Variants in HMGN1 observed in about 807,000 individuals in gnomAD.
HMGN1 encodes high mobility group nucleosome binding domain 1.
A neutral mutation model predicts 18.4 loss-of-function variants in HMGN1; 9 were observed. The ratio of observed to expected loss-of-function variants is 0.49; its 90% confidence interval spans 0.29 to 0.85. The LOEUF (loss-of-function observed/expected upper bound fraction) is 0.85. HMGN1 is among the 40% of genes least tolerant of loss of function. The pLI, the probability that HMGN1 is intolerant of heterozygous loss-of-function variation, is 0.07. For synonymous variants in HMGN1, 59 were observed against 45.0 expected, an observed-to-expected ratio of 1.31 and a Z score of -1.24; for missense variants, 151 against 119.2, an observed-to-expected ratio of 1.27 and a Z score of -1.24.
chr21:39,345,244 T>C lies in HMGN1; in HGVS notation c.157A>G (p.Lys53Glu). 1 of 1,613,804 alleles carries C rather than the reference T, an allele frequency of 6.2e-7. No individual in the cohort carries two copies. Among genetic ancestry groups the C allele is most frequent in the Non-Finnish European group, 8.5e-7 (1 of 1,179,856 alleles). Residue 53 changes from lysine (K) to glutamate (E), a missense_variant, in exon 5 of 6, where the codon AAA becomes GAA. By Grantham distance (56) the Lys-to-Glu change is moderately conservative. Coordinates refer to ENST00000380749, the MANE Select transcript of HMGN1 (RefSeq NM_004965.7). Reference protein sequence around the residue: ...DKSSDKKVQTKGKRGAKGKQA... With the variant: ...DKSSDKKVQTEGKRGAKGKQA... ...TTTCCCTTTGCTCCCCTTTTCCCTTTTGTTTGCACTTTTTTGTCTGAAGAT... is the reference window on the plus strand; with the variant it reads ...TTTCCCTTTGCTCCCCTTTTCCCTTCTGTTTGCACTTTTTTGTCTGAAGAT...
chr21:39,346,006 G>A (rs748963636), intron 4 of HMGN1: 99 of 1,213,004 alleles, frequency 8.2e-5, no homozygotes, highest in Non-Finnish European at 1.1e-4. Flanking sequence ...GATACATTAA[G>A]TTCAAAATTT....
Position 39,348,417 on chromosome 21 carries a change from C to T in HMGN1, c.78+5G>A. Reference sequence around the variant, plus strand: ...ACGAACGGTTACGGGGCTCGCTTTACTTACAGCTGACAACCGCGCCGATCT... The same window carrying T: ...ACGAACGGTTACGGGGCTCGCTTTATTTACAGCTGACAACCGCGCCGATCT... On this transcript the variant is annotated splice_donor_5th_base_variant and intron_variant, in intron 3 of 5. Transcript: ENST00000380749. 6.2e-7 allele frequency: 1 copy of T among 1,614,202 alleles called. No individual in the cohort carries two copies. The highest frequency in any genetic ancestry group is 8.5e-7 in the Non-Finnish European group (1 of 1,180,038).
chr21:39,345,381 G>A, intron 4 of HMGN1, 107 bp from the exon 5 acceptor site: 1 of 1,073,276 alleles, frequency 9.3e-7, no homozygotes, highest in South Asian at 1.4e-5. Context: ...CAGTGGTGCT[G>A]ACTTCATAGT....
rs140317214 is a variant in HMGN1, at chr21:39,342,575, A to T, written c.*537T>A. ...AACAGCACGTACACTACATGTTCAA[A>T]TCTGTAATCTTTCACAGCACAGTAA... On this transcript the variant is annotated 3_prime_UTR_variant, in exon 6 of 6. Coordinates refer to ENST00000380749, the MANE Select transcript of HMGN1 (RefSeq NM_004965.7). The T allele has an allele frequency of 1.3e-3, 419 of 310,586 alleles. No individual in the cohort carries two copies. The highest frequency in any genetic ancestry group is 9.0e-3 in the African/African-American group (403 of 44,988). 19.2% of individuals were successfully genotyped at this position (310,586 alleles called of 1,614,324 possible). A position where few individuals can be genotyped will look rare whatever the true frequency, so the allele number is the denominator to read the frequency against.
chr21:39,348,037 C>T lies in HMGN1; in HGVS notation c.126+255G>A, dbSNP rs1370320829. On this transcript the variant is annotated intron_variant, in intron 4 of 5. Coordinates refer to ENST00000380749, the MANE Select transcript of HMGN1 (RefSeq NM_004965.7). Reference sequence around the variant, plus strand: ...GTACGCAACGCAAAGAATAAATTTCCTTTGTAGACTTAATATTTAATATTT... The same window carrying T: ...GTACGCAACGCAAAGAATAAATTTCTTTTGTAGACTTAATATTTAATATTT... 8 of 1,076,244 alleles carry T rather than the reference C, an allele frequency of 7.4e-6. No individual in the cohort carries two copies. In the Admixed American group the frequency reaches 9.8e-5, roughly 13 times the overall value. 66.7% of individuals were successfully genotyped at this position (1,076,244 alleles called of 1,614,324 possible).
At chr21:39,343,261 TG>T (rs2036927477) in intron 5 of HMGN1, 102 bp from the exon 6 acceptor site, 1 of 1,140,772 alleles carries the variant, frequency 8.8e-7, no homozygotes, top group African/African-American at 1.6e-5. Context: ...CTTTGTTATT[TG>T]TAAAGTCACC....
At position 39,348,333 on chromosome 21, in the gene HMGN1, G is replaced by T. The variant is rs368588344; in HGVS notation, c.85C>A (p.Pro29Thr). ...RRSARLSAKP[P>T]AKVEAKPKKA... ...TTCGGCTTCGCTTCCACTTTTGCAG[G>T]AGGTTTCTGAAAGGCAAAAGCAGCA... Residue 29 changes from proline to threonine, a missense_variant, in exon 4 of 6, where the codon CCT becomes ACT. Coordinates refer to ENST00000380749, the MANE Select transcript of HMGN1 (RefSeq NM_004965.7). The T allele has an allele frequency of 1.2e-6, 2 of 1,614,084 alleles. No homozygotes were observed. Among genetic ancestry groups the T allele is most frequent in the Non-Finnish European group, 1.7e-6 (2 of 1,179,978 alleles).
intron 4 of HMGN1, chr21:39,346,980 G>T (rs920498085): frequency 6.6e-6 from 1 of 151,534 alleles, no homozygotes; most frequent in East Asian, 1.9e-4. Context: ...ATCTCAAGAT[G>T]GACAAAGATA....
chr21:39,348,750 G>T, intron 1 of HMGN1, 153 bp downstream of exon 1: 1 of 1,082,072 alleles, frequency 9.2e-7, no homozygotes, highest in Non-Finnish European at 1.2e-6. Flanking sequence ...CCGCCCCCGC[G>T]GCCGCCGAGC....
At chr21:39,346,144 G>A in intron 4 of HMGN1, 1 of 373,028 alleles carries the variant, frequency 2.7e-6, no homozygotes, top group South Asian at 2.1e-5. Context: ...CCCAGCGGGT[G>A]GTATAAAAGA....
chr21:39,342,666 G>C lies in HMGN1; in HGVS notation c.*446C>G. 3 of 327,718 alleles carry C rather than the reference G, an allele frequency of 9.2e-6. No individual in the cohort carries two copies. Among genetic ancestry groups the C allele is most frequent in the Non-Finnish European group, 1.8e-5 (3 of 167,376 alleles). 20.3% of individuals were successfully genotyped at this position (327,718 alleles called of 1,614,324 possible). A position where few individuals can be genotyped will look rare whatever the true frequency, so the allele number is the denominator to read the frequency against. On this transcript the variant is annotated 3_prime_UTR_variant, in exon 6 of 6. Coordinates refer to ENST00000380749, the MANE Select transcript of HMGN1 (RefSeq NM_004965.7). ...AGAGTGCACACAATTCTGGCAGAGA[G>C]AGCCATGATCAAAGAGTGGTTTTCT... is the stretch of plus-strand genomic sequence containing the variant.
intron 4 of HMGN1, chr21:39,347,468 T>TAC (rs1293332404): frequency 2.3e-6 from 3 of 1,293,556 alleles, no homozygotes; most frequent in Non-Finnish European, 3.1e-6. Context: ...ACTGCAGTGC[T>TAC]AAACTTCTAC....
intron 4 of HMGN1, chr21:39,346,095 TGTTA>T (rs2037042983): frequency 8.4e-6 from 4 of 478,230 alleles, no homozygotes; most frequent in South Asian, 7.3e-5. Flanking sequence ...ATTTATTCCT[TGTTA>T]GTAAGTATAC....
At chr21:39,348,654 T>G in intron 1 of HMGN1, 77 bp from the exon 2 acceptor site, 3 of 1,468,874 alleles carry the variant, frequency 2.0e-6, no homozygotes, top group South Asian at 1.3e-5. Flanking sequence ...CCGAGAACAA[T>G]GCCCGGCCGC....
intron 4 of HMGN1, chr21:39,345,853 C>G: frequency 7.7e-7 from 1 of 1,302,582 alleles, no homozygotes; most frequent in Non-Finnish European, 1.0e-6. Context: ...CCATGCCGTA[C>G]GGTCAGGTTG....
rs370512687 is a variant in HMGN1, at chr21:39,348,278, G to C, written c.126+14C>G. 2 of 1,613,954 alleles carry C rather than the reference G, an allele frequency of 1.2e-6. No individual in the cohort carries two copies. Among genetic ancestry groups the C allele is most frequent in the South Asian group, 2.2e-5 (2 of 91,080 alleles). On this transcript the variant is annotated intron_variant, in intron 4 of 5. Coordinates refer to ENST00000380749, the MANE Select transcript of HMGN1 (RefSeq NM_004965.7). ...AAGGCCCCGCTGCATCCCAATGCGC[G>C]TTTCGAGGCTTACCTTCGCTGCTGC...
intron 3 of HMGN1, 38 bp from the exon 4 acceptor site, chr21:39,348,377 G>A (rs747540125): frequency 6.2e-7 from 1 of 1,614,126 alleles, no homozygotes; most frequent in Non-Finnish European, 8.5e-7. Flanking sequence ...CCTCACCCGG[G>A]ACGACCCGCG....
intron 4 of HMGN1, chr21:39,346,234 A>G: frequency 2.9e-6 from 1 of 339,290 alleles, no homozygotes; most frequent in South Asian, 2.3e-5. Context: ...CAATGCTAAC[A>G]CGGGCGGAAA....
chr21:39,344,942 TTAAA>T (rs1289584562), intron 5 of HMGN1, among the ~76,000 whole-genome samples, 200 bp downstream of exon 5: 5 of 152,220 alleles, frequency 3.3e-5, no homozygotes, highest in African/African-American at 4.8e-5. Flanking sequence ...TTTCTTGCTC[TTAAA>T]TAAGCCATTT....
Sources: gnomAD v4.1 joint callset for allele counts (sites outside exome capture counted in the v4.1 genomes callset) on GRCh38, gnomAD v4.1.1 for gene constraint, MANE v1.5 for transcripts, NCBI Gene and HGNC (gene_info 2026-07-23, HGNC 2026-07-21) for gene names.